The following CLEC19A variants were observed in gnomAD, a reference collection of about 807,000 sequenced individuals.
CLEC19A encodes C-type lectin domain family 19 member A.
A neutral mutation model predicts 26.1 loss-of-function variants in CLEC19A; 21 were observed. The observed-to-expected ratio is 0.80, with a 90% confidence interval of 0.57 to 1.16. The LOEUF is 1.16. Among genes scored for constraint, CLEC19A ranks in the 50% most tolerant of loss-of-function variants. The pLI, the probability that CLEC19A is intolerant of heterozygous loss-of-function variation, is 0.00. For synonymous variants in CLEC19A, 89 were observed against 88.6 expected (o/e 1.00, Z -0.03); for missense variants, 224 against 227.6 (o/e 0.98, Z 0.10).
rs1291354166 is a variant in CLEC19A at position 19,298,184 on chromosome 16, G to A, written c.89-489G>A. ...TTGAACCCAGGAGGCGGAGGTTGCG[G>A]TGAGCCGAGATGGCACCATGGCACT... On this transcript the variant is annotated intron_variant, in intron 1 of 4. Coordinates refer to ENST00000636231, the MANE Select transcript of CLEC19A (RefSeq NM_001256720.2). Among the ~76,000 whole-genome samples, 7 of 150,584 alleles carry A rather than the reference G, an allele frequency of 4.6e-5. No homozygotes were observed. In the South Asian group the frequency reaches 8.4e-4, roughly 18 times the overall value.
At chr16:19,302,175 T>C (rs1897849587) in intron 2 of CLEC19A, among the ~76,000 whole-genome samples, 1 of 152,140 alleles carries the variant, frequency 6.6e-6, no homozygotes, top group Admixed American at 6.5e-5. Context: ...AGTGACTGGC[T>C]GGAGCACTGT....
At chr16:19,288,180 A>G (rs1231032118) in intron 1 of CLEC19A, among the ~76,000 whole-genome samples, 2 of 152,206 alleles carry the variant, frequency 1.3e-5, no homozygotes, top group Admixed American at 1.3e-4. Context: ...ACTGCTTCCC[A>G]GGCTCCCAGC....
chr16:19,307,407 C>A, intron 3 of CLEC19A, 138 bp from the exon 4 acceptor site: 1 of 869,088 alleles, frequency 1.2e-6, no homozygotes, highest in Non-Finnish European at 1.7e-6. Flanking sequence ...TGCCAGATAG[C>A]AGTAGCCTCA....
At chr16:19,293,646 G>T (rs1013871845) in intron 1 of CLEC19A, among the ~76,000 whole-genome samples, 1 of 152,098 alleles carries the variant, frequency 6.6e-6, no homozygotes, top group East Asian at 1.9e-4. Context: ...GTAAGAGACA[G>T]GGTCTCACTA....
At chr16:19,295,143 A>G (rs920965491) in intron 1 of CLEC19A, among the ~76,000 whole-genome samples, 35 of 152,006 alleles carry the variant, frequency 2.3e-4, no homozygotes, top group Non-Finnish European at 5.0e-4. Flanking sequence ...GAGAGTGATC[A>G]ACCAATTTCA....
intron 2 of CLEC19A, among the ~76,000 whole-genome samples, chr16:19,299,507 C>T (rs140295642): frequency 1.2e-4 from 18 of 152,294 alleles, no homozygotes; most frequent in African/African-American, 4.3e-4. Flanking sequence ...CCTCTGTCTC[C>T]GAAGCCCCAG....
At chr16:19,305,956 G>A (rs1266345041) in intron 3 of CLEC19A, among the ~76,000 whole-genome samples, 2 of 151,324 alleles carry the variant, frequency 1.3e-5, no homozygotes, top group East Asian at 1.9e-4. Context: ...CCATTCTCCC[G>A]CCTCAGCCTC....
At chr16:19,289,023 GC>G (rs1186691437) in intron 1 of CLEC19A, among the ~76,000 whole-genome samples, 1 of 152,134 alleles carries the variant, frequency 6.6e-6, no homozygotes, top group African/African-American at 2.4e-5. Context: ...GCTGGAACTG[GC>G]TTTTCTGTGA....
At chr16:19,285,984 C>G (rs768282662) in intron 1 of CLEC19A, 45 bp downstream of exon 1, 51 of 1,521,492 alleles carry the variant, frequency 3.4e-5, no homozygotes, top group Non-Finnish European at 5.4e-6. Context: ...GAGGAGTACA[C>G]TCTCAGGAAC....
chr16:19,308,361 T>C (rs1473500973), intron 4 of CLEC19A, among the ~76,000 whole-genome samples: 1 of 152,182 alleles, frequency 6.6e-6, no homozygotes, highest in Non-Finnish European at 1.5e-5. Flanking sequence ...AACCTCTTGG[T>C]GCCTCAGATT....
intron 3 of CLEC19A, among the ~76,000 whole-genome samples, chr16:19,305,964 C>T (rs1175698710): frequency 1.3e-5 from 2 of 152,096 alleles, no homozygotes; most frequent in Non-Finnish European, 1.5e-5. Context: ...CCGCCTCAGC[C>T]TCCCAAGTAG....
intron 1 of CLEC19A, among the ~76,000 whole-genome samples, chr16:19,293,755 C>G (rs1897642890): frequency 9.2e-6 from 1 of 108,740 alleles, no homozygotes; most frequent in Admixed American, 1.0e-4. Flanking sequence ...TGCGACCAGC[C>G]TAATTTTTAA....
intron 1 of CLEC19A, among the ~76,000 whole-genome samples, chr16:19,293,941 A>G (rs1419487690): frequency 1.3e-5 from 2 of 152,144 alleles, no homozygotes; most frequent in African/African-American, 2.4e-5. Context: ...TGTTAAATGT[A>G]CAATAAAGTA....
chr16:19,294,764 A>G (rs979390585), intron 1 of CLEC19A, among the ~76,000 whole-genome samples: 2 of 152,212 alleles, frequency 1.3e-5, no homozygotes, highest in African/African-American at 4.8e-5. Flanking sequence ...GAAATAGCCC[A>G]CACTATACTT....
intron 2 of CLEC19A, among the ~76,000 whole-genome samples, chr16:19,301,871 A>G (rs1242726458): frequency 1.3e-5 from 2 of 150,370 alleles, no homozygotes; most frequent in South Asian, 4.2e-4. Flanking sequence ...GATTATAGGC[A>G]TGAGCCACCG....
chr16:19,305,715 T>C (rs913739618), intron 3 of CLEC19A, among the ~76,000 whole-genome samples: 2 of 152,202 alleles, frequency 1.3e-5, no homozygotes, highest in African/African-American at 4.8e-5. Context: ...AGCTAATGCA[T>C]GTAAAGAGCT....
rs1292839467 is a variant in CLEC19A, at chr16:19,310,714, A to G, written c.*1631A>G. On this transcript the variant is annotated 3_prime_UTR_variant, in exon 5 of 5. Coordinates refer to ENST00000636231, the MANE Select transcript of CLEC19A (RefSeq NM_001256720.2). ...CCACATGTTGTATGATTCCATATAT[A>G]TGAAATATCCAGAATAGGCAAGTCT... 2 of 152,334 alleles carry G rather than the reference A, an allele frequency of 1.3e-5. No homozygotes were observed. The highest frequency in any genetic ancestry group is 3.9e-4 in the East Asian group (2 of 5,184). The allele number at this position is 152,334 out of a possible 1,614,324, so 9.4% of individuals were successfully genotyped here.
At chr16:19,300,357 C>T (rs1251805029) in intron 2 of CLEC19A, among the ~76,000 whole-genome samples, 1 of 151,802 alleles carries the variant, frequency 6.6e-6, no homozygotes, top group African/African-American at 2.4e-5. Flanking sequence ...AAGACCTGCA[C>T]AGGCAACACA....
chr16:19,298,757 A>G lies in CLEC19A; in HGVS notation c.173A>G (p.Asn58Ser), dbSNP rs1437338962. Residue 58 changes from asparagine to serine, a missense_variant, in exon 2 of 5, where the codon AAT (asparagine) becomes AGT (serine). Coordinates refer to ENST00000636231, the MANE Select transcript of CLEC19A (RefSeq NM_001256720.2). ...CACTGCTATCGATTCTTCCCTCTCAATAAGACCTGGGCTGAGGCCGACCTC... is the reference window on the plus strand; with the variant it reads ...CACTGCTATCGATTCTTCCCTCTCAGTAAGACCTGGGCTGAGGCCGACCTC... ...KGHCYRFFPL[N>S]KTWAEADLYC... 10 of 1,550,626 alleles carry G rather than the reference A, an allele frequency of 6.4e-6. No individual in the cohort carries two copies. The highest frequency in any genetic ancestry group is 7.0e-6 in the Non-Finnish European group (8 of 1,147,030).
Sources: allele counts gnomAD v4.1 joint callset (sites outside exome capture counted in the v4.1 genomes callset), GRCh38; gene constraint gnomAD v4.1.1; transcripts MANE v1.5; gene names NCBI Gene and HGNC (gene_info 2026-07-23, HGNC 2026-07-21).